Variants in NSL1 observed in about 807,000 individuals in gnomAD.
NSL1 encodes kinetochore-associated protein NSL1 homolog.
Under a neutral mutation model 25.4 loss-of-function variants are expected in NSL1, and 11 were observed. The ratio of observed to expected loss-of-function variants is 0.43; its 90% CI spans 0.27 to 0.72. The LOEUF (loss-of-function observed/expected upper bound fraction) is 0.72, where lower values mean the gene tolerates loss of function less well. Among genes scored for constraint, NSL1 ranks in the 30% least tolerant of loss-of-function variants. The probability of loss-of-function intolerance (pLI) is 0.19; values close to 1 mark genes in which losing one functional copy is unlikely to be tolerated. For synonymous variants in NSL1, 118 were observed against 120.6 expected, an observed-to-expected ratio of 0.98 and a Z score of 0.14; for missense variants, 330 against 342.7, an observed-to-expected ratio of 0.96 and a Z score of 0.29.
At chr1:212,790,927 A>AT (rs1266551311) in intron 1 of NSL1, among the ~76,000 whole-genome samples, 2,211 of 151,126 alleles carry the variant, frequency 0.015, 58 homozygotes, top group African/African-American at 0.052. Flanking sequence ...TGTCTCAAAA[A>AT]AAAAAAATAA....
At chr1:212,739,845 AAGAG>A (rs1258108613) in intron 4 of NSL1, among the ~76,000 whole-genome samples, 2 of 152,202 alleles carry the variant, frequency 1.3e-5, no homozygotes, top group Admixed American at 6.5e-5. Context: ...GTGCCCCTAA[AAGAG>A]AGTTCAATGT....
At chr1:212,744,368 C>A (rs892576589) in intron 4 of NSL1, among the ~76,000 whole-genome samples, 5 of 152,108 alleles carry the variant, frequency 3.3e-5, no homozygotes, top group African/African-American at 1.2e-4. Flanking sequence ...ACAAACAACT[C>A]ACCACAAGCA....
chr1:212,727,011 C>T lies in NSL1; in HGVS notation c.*11397G>A, dbSNP rs1469802059. The T allele has an allele frequency of 8.6e-7, 1 of 1,165,686 alleles. No homozygotes were observed. Among genetic ancestry groups the T allele is most frequent in the Admixed American group, 2.4e-5 (1 of 42,420 alleles). The allele number at this position is 1,165,686 out of a possible 1,614,324, so 72.2% of individuals were successfully genotyped here. On this transcript the variant is annotated 3_prime_UTR_variant, in exon 6 of 6. Transcript: ENST00000366977. ...GTGTCCTCTCAGAGGCCCTCCAGTC[C>T]AGTCTACTCCGGCCTTGGAGATGAC...
chr1:212,752,589 T>C (rs967396516), intron 4 of NSL1, among the ~76,000 whole-genome samples: 5 of 152,242 alleles, frequency 3.3e-5, no homozygotes, highest in Non-Finnish European at 2.9e-5. Flanking sequence ...GAAGCAATTA[T>C]TCATTACAAC....
In NSL1 at chr1:212,726,917, C is replaced by T. The variant is rs1418780369; in HGVS notation, c.*11491G>A. 2 of 440,482 alleles carry T rather than the reference C, an allele frequency of 4.5e-6. No homozygotes were observed. Among genetic ancestry groups the T allele is most frequent in the Non-Finnish European group, 8.0e-6 (2 of 251,240 alleles). The allele number at this position is 440,482 out of a possible 1,614,324, so 27.3% of individuals were successfully genotyped here. On this transcript the variant is annotated 3_prime_UTR_variant, in exon 6 of 6. Coordinates refer to ENST00000366977, the MANE Select transcript of NSL1 (RefSeq NM_015471.4). ...TCCCTCCCTCTGATGGACACCAGCA[C>T]AGCACGGACTTTCCCGTCCTGTCTC... is the stretch of plus-strand genomic sequence containing the variant.
In NSL1 at chr1:212,738,255, T is replaced by C. The variant is rs540562674; in HGVS notation, c.*153A>G. On this transcript the variant is annotated 3_prime_UTR_variant, in exon 6 of 6. Coordinates refer to ENST00000366977, the MANE Select transcript of NSL1 (RefSeq NM_015471.4). ...AGTAAGGAAATACAATATTATATCA[T>C]ATCCCCGCACAGAGATACTATATCT... The C allele has an allele frequency of 7.1e-7, 1 of 1,402,204 alleles. No homozygotes were observed. Among genetic ancestry groups the C allele is most frequent in the South Asian group, 1.7e-5 (1 of 58,952 alleles). 86.9% of individuals were successfully genotyped at this position (1,402,204 alleles called of 1,614,324 possible).
At position 212,729,013 on chromosome 1, in the gene NSL1, T is replaced by G. The variant is rs1364085696; in HGVS notation, c.*9395A>C. The G allele has an allele frequency of 2.9e-5, 29 of 985,408 alleles. No individual in the cohort carries two copies. Among genetic ancestry groups the G allele is most frequent in the Non-Finnish European group, 3.5e-5 (29 of 829,910 alleles). 61.0% of individuals were successfully genotyped at this position (985,408 alleles called of 1,614,324 possible). A position where few individuals can be genotyped will look rare whatever the true frequency, so the allele number is the denominator to read the frequency against. Reference sequence around the variant, plus strand: ...GGAGGATTTCTAAAGAAGCAGTCATTTGTCAATCTGAAATTTTTTTTAAAG... The same window carrying G: ...GGAGGATTTCTAAAGAAGCAGTCATGTGTCAATCTGAAATTTTTTTTAAAG... On this transcript the variant is annotated 3_prime_UTR_variant, in exon 6 of 6. Coordinates refer to ENST00000366977, the MANE Select transcript of NSL1 (RefSeq NM_015471.4).
At position 212,736,085 on chromosome 1, in the gene NSL1, T is replaced by C; in HGVS notation, c.*2323A>G. 4 of 970,972 alleles carry C rather than the reference T, an allele frequency of 4.1e-6. No homozygotes were observed. Among genetic ancestry groups the C allele is most frequent in the Non-Finnish European group, 4.9e-6 (4 of 816,816 alleles). The allele number at this position is 970,972 out of a possible 1,614,324, so 60.1% of individuals were successfully genotyped here. A position where few individuals can be genotyped will look rare whatever the true frequency, so the allele number is the denominator to read the frequency against. Reference sequence around the variant, plus strand: ...CAGGGTCTCACTCTGTCACCCAGGCTGGAGTACAGTGGTGCCATCCTGGCT... The same window carrying C: ...CAGGGTCTCACTCTGTCACCCAGGCCGGAGTACAGTGGTGCCATCCTGGCT... On this transcript the variant is annotated 3_prime_UTR_variant, in exon 6 of 6. Coordinates refer to ENST00000366977, the MANE Select transcript of NSL1 (RefSeq NM_015471.4).
rs1657883517 is a variant in NSL1 at position 212,728,642 on chromosome 1, G to A, written c.*9766C>T. ...GAATTCTGAGGCTCTGATCTGATGAGTGAAGGGAACCACAGGCTTATCTGC... is the reference window on the plus strand; with the variant it reads ...GAATTCTGAGGCTCTGATCTGATGAATGAAGGGAACCACAGGCTTATCTGC... On this transcript the variant is annotated 3_prime_UTR_variant, in exon 6 of 6. Transcript: ENST00000366977. 2 of 985,462 alleles carry A rather than the reference G, an allele frequency of 2.0e-6. No individual in the cohort carries two copies. The highest frequency in any genetic ancestry group is 2.4e-6 in the Non-Finnish European group (2 of 829,938). The allele number at this position is 985,462 out of a possible 1,614,324, so 61.0% of individuals were successfully genotyped here. A position where few individuals can be genotyped will look rare whatever the true frequency, so the allele number is the denominator to read the frequency against.
In NSL1 at chr1:212,734,371, T is replaced by C. The variant is rs1250345877; in HGVS notation, c.*4037A>G. 1.3e-5 allele frequency among the ~76,000 whole-genome samples: 2 copies of C among 152,238 alleles called. No homozygotes were observed. The highest frequency in any genetic ancestry group is 1.3e-4 in the Admixed American group (2 of 15,286). ...TTTGATGCTGGAGACGCTCCTCAAA[T>C]ATTTGGTGAATCAGTTTTGTGCATT... On this transcript the variant is annotated 3_prime_UTR_variant, in exon 6 of 6. Coordinates refer to ENST00000366977, the MANE Select transcript of NSL1 (RefSeq NM_015471.4).
intron 4 of NSL1, among the ~76,000 whole-genome samples, chr1:212,778,611 G>T (rs1341636891): frequency 6.6e-6 from 1 of 152,112 alleles, no homozygotes; most frequent in Non-Finnish European, 1.5e-5. Flanking sequence ...GTGTTGGCCG[G>T]GCTGGTCTCC....
chr1:212,751,288 A>G (rs571196626), intron 4 of NSL1, among the ~76,000 whole-genome samples: 3 of 152,342 alleles, frequency 2.0e-5, no homozygotes, highest in African/African-American at 7.2e-5. Flanking sequence ...GCTGACATAC[A>G]TTCTCAATCA....
chr1:212,779,303 C>T (rs1025406291), intron 4 of NSL1, among the ~76,000 whole-genome samples: 1 of 145,394 alleles, frequency 6.9e-6, no homozygotes, highest in African/African-American at 2.5e-5. Context: ...GCCCCCCGCC[C>T]AGCCAGCCGC....
rs755951805 is a variant in NSL1 at position 212,734,882 on chromosome 1, C to T, written c.*3526G>A. Among the ~76,000 whole-genome samples the T allele has an allele frequency of 2.6e-5, 4 of 152,192 alleles. No individual in the cohort carries two copies. Among genetic ancestry groups the T allele is most frequent in the Non-Finnish European group, 4.4e-5 (3 of 68,040 alleles). ...ACTCATCCTCTTCACTGGAATATGA[C>T]CTTCCTGAAGGCAACACTTGTCCTG... is the stretch of plus-strand genomic sequence containing the variant. On this transcript the variant is annotated 3_prime_UTR_variant, in exon 6 of 6. Transcript: ENST00000366977.
rs1351001700 is a variant in NSL1 at position 212,735,706 on chromosome 1, G to A, written c.*2702C>T. ...GGGGCTCTGATCTGATACAATTGGT[G>A]TCCTTATAAGAAGAGACACCAGAGA... is the stretch of plus-strand genomic sequence containing the variant. On this transcript the variant is annotated 3_prime_UTR_variant, in exon 6 of 6. Coordinates refer to ENST00000366977, the MANE Select transcript of NSL1 (RefSeq NM_015471.4). The A allele has an allele frequency of 3.9e-6, 1 of 258,264 alleles. No individual in the cohort carries two copies. Among genetic ancestry groups the A allele is most frequent in the Non-Finnish European group, 6.1e-6 (1 of 165,264 alleles). 16.0% of individuals were successfully genotyped at this position (258,264 alleles called of 1,614,324 possible).
rs112919348 is a variant in NSL1 at position 212,729,871 on chromosome 1, G to A, written c.*8537C>T. 7.2e-4 allele frequency: 711 copies of A among 985,252 alleles called. 4 individuals are homozygous for A. The African/African-American group carries it at 0.012, about 16-fold the overall frequency. The allele number at this position is 985,252 out of a possible 1,614,324, so 61.0% of individuals were successfully genotyped here. A position where few individuals can be genotyped will look rare whatever the true frequency, so the allele number is the denominator to read the frequency against. ...GTGTGGACGAAGGGGTTGCTGGGGT[G>A]ACCCAGGCAGCAAGGACCCTGAGGG... is the stretch of plus-strand genomic sequence containing the variant. On this transcript the variant is annotated 3_prime_UTR_variant, in exon 6 of 6. Coordinates refer to ENST00000366977, the MANE Select transcript of NSL1 (RefSeq NM_015471.4).
At chr1:212,751,057 A>T (rs1659046705) in intron 4 of NSL1, among the ~76,000 whole-genome samples, 1 of 152,190 alleles carries the variant, frequency 6.6e-6, no homozygotes, top group Non-Finnish European at 1.5e-5. Context: ...TAATTACCTG[A>T]CTCAGATTGA....
At position 212,734,050 on chromosome 1, in the gene NSL1, A is replaced by G. The variant is rs1363899691; in HGVS notation, c.*4358T>C. ...GCCCTCCCACTGAATTTTTATTTCA[A>G]CTTTCATATTTTTAATTTTCAAAAA... On this transcript the variant is annotated 3_prime_UTR_variant, in exon 6 of 6. Coordinates refer to ENST00000366977, the MANE Select transcript of NSL1 (RefSeq NM_015471.4). Among the ~76,000 whole-genome samples the G allele has an allele frequency of 6.6e-6, 1 of 152,124 alleles. No individual in the cohort carries two copies. The highest frequency in any genetic ancestry group is 1.5e-5 in the Non-Finnish European group (1 of 68,006).
intron 3 of NSL1, among the ~76,000 whole-genome samples, chr1:212,782,657 A>T (rs1660777189): frequency 6.6e-6 from 1 of 152,168 alleles, no homozygotes; most frequent in Non-Finnish European, 1.5e-5. Context: ...GTGGCACCAT[A>T]AAAAAGTATA....
Sources: allele counts gnomAD v4.1 joint callset (sites outside exome capture counted in the v4.1 genomes callset), GRCh38; gene constraint gnomAD v4.1.1; transcripts MANE v1.5; gene names NCBI Gene and HGNC (gene_info 2026-07-23, HGNC 2026-07-21).